NAV3: variants seen among roughly 807,000 people sequenced by gnomAD.
The protein encoded by NAV3 is neuron navigator 3, also known as pore membrane and/or filament interacting like protein 1.
A neutral mutation model predicts 244.7 loss-of-function variants in NAV3; 87 were observed. The observed-to-expected ratio is 0.36, with a 90% CI of 0.30 to 0.42. The LOEUF is 0.42. NAV3 is among the 20% of genes least tolerant of loss of function. The probability of loss-of-function intolerance (pLI) is 1.00; values close to 1 mark genes in which losing one functional copy is unlikely to be tolerated. For synonymous variants in NAV3, 1,126 were observed against 1,042.2 expected, an observed-to-expected ratio of 1.08 and a Z score of -1.55; for missense variants, 2,663 against 2,893.3, an observed-to-expected ratio of 0.92 and a Z score of 1.83.
At chr12:77,678,458 A>T (rs1332903953) in intron 2 of NAV3, among the ~76,000 whole-genome samples, 2 of 152,156 alleles carry the variant, frequency 1.3e-5, no homozygotes, top group African/African-American at 4.8e-5. Flanking sequence ...ATTAAGCATA[A>T]TTTTTTATTA....
chr12:77,715,394 T>G (rs1402811094), intron 2 of NAV3, among the ~76,000 whole-genome samples: 7 of 151,930 alleles, frequency 4.6e-5, no homozygotes, highest in African/African-American at 1.7e-4. Context: ...TTATTTGCAT[T>G]GCTTTTTCAA....
chr12:78,198,335 A>C (rs1458501793), intron 35 of NAV3, among the ~76,000 whole-genome samples: 1 of 151,940 alleles, frequency 6.6e-6, no homozygotes, highest in Non-Finnish European at 1.5e-5. Flanking sequence ...ATACTAACTA[A>C]ACTCTTTACT....
intron 1 of NAV3, among the ~76,000 whole-genome samples, chr12:77,896,928 A>G (rs1884691230): frequency 6.6e-6 from 1 of 152,200 alleles, no homozygotes; most frequent in African/African-American, 2.4e-5. Context: ...CAGCCACAAA[A>G]GATCTACATC....
intron 2 of NAV3, among the ~76,000 whole-genome samples, chr12:77,741,638 A>G (rs1868339750): frequency 6.6e-6 from 1 of 152,168 alleles, no homozygotes; most frequent in Admixed American, 6.5e-5. Context: ...GAAGATTTGC[A>G]TTATTGAAAA....
At chr12:77,957,317 G>C (rs1891456740) in intron 3 of NAV3, among the ~76,000 whole-genome samples, 1 of 152,130 alleles carries the variant, frequency 6.6e-6, no homozygotes, top group Non-Finnish European at 1.5e-5. Flanking sequence ...GTCTATAGTT[G>C]CTGAATGAAT....
intron 8 of NAV3, among the ~76,000 whole-genome samples, chr12:78,008,221 T>G (rs1874583237): frequency 6.7e-6 from 1 of 148,894 alleles, no homozygotes; most frequent in Non-Finnish European, 1.5e-5. Context: ...TACTGATTTG[T>G]TTTTTTTTTA....
chr12:77,736,504 C>T (rs1877340698), intron 2 of NAV3, among the ~76,000 whole-genome samples: 1 of 152,182 alleles, frequency 6.6e-6, no homozygotes, highest in Non-Finnish European at 1.5e-5. Flanking sequence ...CTTGAGACAG[C>T]ATGGCTTCTC....
intron 17 of NAV3, among the ~76,000 whole-genome samples, chr12:78,127,468 A>G (rs1194001376): frequency 6.6e-6 from 1 of 152,000 alleles, no homozygotes. Flanking sequence ...AATACTAAAC[A>G]AACAAACAAA....
intron 9 of NAV3, among the ~76,000 whole-genome samples, chr12:78,045,908 G>C (rs1236510649): frequency 6.6e-6 from 1 of 152,160 alleles, no homozygotes; most frequent in Admixed American, 6.5e-5. Flanking sequence ...CTCAATTTCA[G>C]AACTTGTTAT....
intron 2 of NAV3, among the ~76,000 whole-genome samples, chr12:77,591,413 G>A (rs1260317263): frequency 4.6e-5 from 7 of 152,088 alleles, no homozygotes; most frequent in African/African-American, 7.2e-5. Context: ...TGTGATGTTC[G>A]TTATTTAATT....
At chr12:78,142,376 C>T (rs1956653099) in intron 20 of NAV3, among the ~76,000 whole-genome samples, 2 of 152,032 alleles carry the variant, frequency 1.3e-5, no homozygotes, top group South Asian at 4.1e-4. Flanking sequence ...TCTGTATCTA[C>T]ACTATCTAAT....
At chr12:77,927,249 C>T (rs1267606087) in intron 1 of NAV3, among the ~76,000 whole-genome samples, 1 of 152,114 alleles carries the variant, frequency 6.6e-6, no homozygotes, top group Non-Finnish European at 1.5e-5. Flanking sequence ...GATGAATTCC[C>T]CATGGAGCTC....
chr12:77,721,353 T>G (rs1391456193), intron 2 of NAV3, among the ~76,000 whole-genome samples: 1 of 152,110 alleles, frequency 6.6e-6, no homozygotes, highest in African/African-American at 2.4e-5. Flanking sequence ...GGTTACTACT[T>G]TTTCCTAAGT....
chr12:77,957,370 T>A (rs1030963031), intron 3 of NAV3, among the ~76,000 whole-genome samples: 2 of 152,192 alleles, frequency 1.3e-5, no homozygotes, highest in Non-Finnish European at 2.9e-5. Flanking sequence ...TTAGATTTAA[T>A]CACAAACTAT....
At chr12:77,867,443 G>A (rs758654896) in intron 1 of NAV3, among the ~76,000 whole-genome samples, 10 of 152,072 alleles carry the variant, frequency 6.6e-5, no homozygotes, top group South Asian at 2.1e-4. Context: ...TTTTTGAGAC[G>A]GAGTCTCGCT....
intron 23 of NAV3, among the ~76,000 whole-genome samples, chr12:78,160,406 T>TGTGTGTGC (rs559024915): frequency 2.2e-5 from 3 of 138,818 alleles, no homozygotes; most frequent in Admixed American, 7.3e-5. Flanking sequence ...TGTGCGTGCG[T>TGTGTGTGC]GTGTGTGTGT....
intron 1 of NAV3, among the ~76,000 whole-genome samples, chr12:77,877,582 G>A (rs1470638851): frequency 2.6e-5 from 4 of 152,130 alleles, no homozygotes; most frequent in Admixed American, 1.3e-4. Context: ...CTAAATAGAA[G>A]CAAGAAACTG....
At chr12:77,816,653 G>A (rs1475311440) in intron 2 of NAV3, among the ~76,000 whole-genome samples, 1 of 152,038 alleles carries the variant, frequency 6.6e-6, no homozygotes, top group Non-Finnish European at 1.5e-5. Flanking sequence ...AATAGGCTTT[G>A]GACATCACTT....
At chr12:77,967,546 A>G (rs1239700740) in intron 4 of NAV3, among the ~76,000 whole-genome samples, 3 of 152,152 alleles carry the variant, frequency 2.0e-5, no homozygotes, top group Non-Finnish European at 4.4e-5. Flanking sequence ...TAATTTTCCT[A>G]AACTCCAAAA....
Sources: allele counts gnomAD v4.1 joint callset (sites outside exome capture counted in the v4.1 genomes callset), GRCh38; gene constraint gnomAD v4.1.1; transcripts MANE v1.5; gene names NCBI Gene and HGNC (gene_info 2026-07-23, HGNC 2026-07-21).